The following CFAP91 variants were observed in gnomAD, a reference collection of about 807,000 sequenced individuals.
CFAP91 encodes cilia and flagella associated protein 91, also known as cilia- and flagella-associated protein 91.
Under a neutral mutation model 95.9 loss-of-function variants are expected in CFAP91, and 85 were observed. The ratio of observed to expected loss-of-function variants is 0.89; its 90% CI spans 0.74 to 1.06. The LOEUF (loss-of-function observed/expected upper bound fraction) is 1.06, where lower values mean the gene tolerates loss of function less well. Among genes scored for constraint, CFAP91 ranks in the 50% least tolerant of loss-of-function variants. The pLI, the probability that CFAP91 is intolerant of heterozygous loss-of-function variation, is 0.00. For synonymous variants in CFAP91, 335 were observed against 327.5 expected, an observed-to-expected ratio of 1.02 and a Z score of -0.25; for missense variants, 962 against 943.4, an observed-to-expected ratio of 1.02 and a Z score of -0.26.
At chr3:119,740,818 CATCA>C in intron 13 of CFAP91, 123 bp downstream of exon 13, 1 of 1,039,928 alleles carries the variant, frequency 9.6e-7, no homozygotes, top group Non-Finnish European at 1.4e-6. Context: ...CCCACAATCC[CATCA>C]CTCTGTCAGC....
chr3:119,752,652 A>G (rs2054347408), intron 17 of CFAP91, among the ~76,000 whole-genome samples: 1 of 152,236 alleles, frequency 6.6e-6, no homozygotes, highest in African/African-American at 2.4e-5. Flanking sequence ...TTAATAATTT[A>G]CACAATTTGC....
At chr3:119,754,594 A>C (rs75191042) in intron 17 of CFAP91, among the ~76,000 whole-genome samples, 2,349 of 152,320 alleles carry the variant, frequency 0.015, 40 homozygotes, top group African/African-American at 0.04. Context: ...ACAGGATGGG[A>C]TGATAGAACT....
chr3:119,743,150 T>G (rs1032306512), intron 13 of CFAP91, among the ~76,000 whole-genome samples: 7 of 151,530 alleles, frequency 4.6e-5, no homozygotes, highest in Admixed American at 4.6e-4. Context: ...TTTTTTTTTT[T>G]TCTGAGATGG....
rs2053387938 is a variant in CFAP91 at position 119,707,481 on chromosome 3, A to G, written c.279A>G (p.Ser93=). 6.3e-7 allele frequency: 1 copy of G among 1,599,076 alleles called. No homozygotes were observed. The highest frequency in any genetic ancestry group is 8.5e-7 in the Non-Finnish European group (1 of 1,169,644). The change falls in exon 3 of 18, where the codon TCA becomes TCG. Residue 93 remains serine, a synonymous_variant. Transcript: ENST00000273390. ...GATATTCTCTATATTGGAGCAAGTCAGATCCTGTCCCACCATTTATCAGTC... is the reference window on the plus strand; with the variant it reads ...GATATTCTCTATATTGGAGCAAGTCGGATCCTGTCCCACCATTTATCAGTC... ...YPRYSLYWSK[S]DPVPPFISRE...
chr3:119,720,349 A>G (rs2053659324), intron 6 of CFAP91, among the ~76,000 whole-genome samples: 1 of 151,014 alleles, frequency 6.6e-6, no homozygotes, highest in Admixed American at 6.6e-5. Flanking sequence ...GTGAGCCGAG[A>G]TGATGCCACT....
intron 14 of CFAP91, among the ~76,000 whole-genome samples, chr3:119,746,406 A>C (rs1255859731): frequency 1.3e-5 from 2 of 152,238 alleles, no homozygotes; most frequent in Non-Finnish European, 2.9e-5. Context: ...AAAAAGAAGC[A>C]GTCAAGGGCT....
In CFAP91 at chr3:119,733,748, G is replaced by A. The variant is rs187873422; in HGVS notation, c.1344+242G>A. Among the ~76,000 whole-genome samples the A allele has an allele frequency of 1.0e-3, 154 of 152,134 alleles. No homozygotes were observed. The Middle Eastern group carries it at 0.014, about 14-fold the overall frequency. ...AGAGGTCATATTACTTTCTGAAAGC[G>A]TTTTCCACTTGGATCTCTATATAAA... is the stretch of plus-strand genomic sequence containing the variant. On this transcript the variant is annotated intron_variant, in intron 10 of 17. Transcript: ENST00000273390.
chr3:119,708,725 C>T, intron 4 of CFAP91, 51 bp downstream of exon 4: 1 of 1,062,076 alleles, frequency 9.4e-7, no homozygotes, highest in Non-Finnish European at 1.4e-6. Context: ...ATTAGAGAAC[C>T]TCTTTATGAT....
In CFAP91 at chr3:119,752,213, A is replaced by T. The variant is rs375052353; in HGVS notation, c.*1+1115A>T. The T allele has an allele frequency of 4.6e-5, 7 of 152,272 alleles. No individual in the cohort carries two copies. In the East Asian group the frequency reaches 9.6e-4, roughly 21 times the overall value. 9.4% of individuals were successfully genotyped at this position (152,272 alleles called of 1,614,324 possible). ...GGGGAGAGTACTGGGGCTAGGGAGA[A>T]ATTTTAGTTTGGCATTCAGAAGTTT... On this transcript the variant is annotated intron_variant, in intron 17 of 17. Coordinates refer to ENST00000273390, the MANE Select transcript of CFAP91 (RefSeq NM_033364.4).
At position 119,715,718 on chromosome 3, in the gene CFAP91, C is replaced by G; in HGVS notation, c.657C>G (p.Leu219=). 1 of 1,614,104 alleles carries G rather than the reference C, an allele frequency of 6.2e-7. No individual in the cohort carries two copies. Among genetic ancestry groups the G allele is most frequent in the East Asian group, 2.2e-5 (1 of 44,882 alleles). ...TATGTCAGGACTCAATCCCTGAGCT[C>G]TTGACCCTGGCTACGCTTACTTGGG... ...YVVCQDSIPE[L]LTLATLTWGR... Residue 219 remains leucine (L), a synonymous_variant, in exon 6 of 18, where the codon CTC becomes CTG. Transcript: ENST00000273390.
chr3:119,744,173 G>A lies in CFAP91; in HGVS notation c.1879G>A (p.Glu627Lys), dbSNP rs2054178793. The A allele has an allele frequency of 6.2e-7, 1 of 1,613,150 alleles. No individual in the cohort carries two copies. The highest frequency in any genetic ancestry group is 1.7e-5 in the Admixed American group (1 of 59,962). ...CCAGGTGGAAAAACAGCGCCTGCGG[G>A]AGGAGGACGAGATATTTAAGGAGGC... ...RRQVEKQRLR[E>K]EDEIFKEVVK... Residue 627 changes from glutamate (E) to lysine (K), a missense_variant, in exon 14 of 18, where the codon GAG becomes AAG. Transcript: ENST00000273390.
intron 13 of CFAP91, among the ~76,000 whole-genome samples, chr3:119,743,326 C>T (rs1401240459): frequency 6.6e-6 from 1 of 151,994 alleles, no homozygotes; most frequent in East Asian, 1.9e-4. Context: ...CCATATTGGC[C>T]AGGCTGGTCT....
Position 119,736,565 on chromosome 3 carries a change from C to T in CFAP91, c.1345-801C>T, listed in dbSNP as rs535034328. Among the ~76,000 whole-genome samples, 49 of 152,210 alleles carry T rather than the reference C, an allele frequency of 3.2e-4. 1 individual carries two copies. The highest frequency in any genetic ancestry group is 2.3e-3 in the South Asian group (11 of 4,818). On this transcript the variant is annotated intron_variant, in intron 10 of 17. Coordinates refer to ENST00000273390, the MANE Select transcript of CFAP91 (RefSeq NM_033364.4). ...TGCTGGGATCGCAGGCGTGAGCCAC[C>T]GCGCCCGGCCTATTCTACTTTCTTT...
chr3:119,716,527 G>A (rs1229721177), intron 6 of CFAP91, among the ~76,000 whole-genome samples: 1 of 152,146 alleles, frequency 6.6e-6, no homozygotes, highest in Non-Finnish European at 1.5e-5. Flanking sequence ...TTCATATCTG[G>A]GCTCTAGTTT....
chr3:119,730,605 TG>T (rs1418200001), intron 8 of CFAP91, among the ~76,000 whole-genome samples: 1 of 13,450 alleles, frequency 7.4e-5, no homozygotes, highest in Non-Finnish European at 1.7e-4. Context: ...TGAGATAGTG[TG>T]TGTGTGTGTG....
intron 17 of CFAP91, among the ~76,000 whole-genome samples, chr3:119,760,634 T>C (rs768690990): frequency 1.3e-5 from 2 of 151,664 alleles, no homozygotes; most frequent in Non-Finnish European, 3.0e-5. Flanking sequence ...TGACTGATAA[T>C]AAGCCTAACA....
chr3:119,759,429 C>A (rs539376247), intron 17 of CFAP91, among the ~76,000 whole-genome samples: 1 of 152,046 alleles, frequency 6.6e-6, no homozygotes, highest in East Asian at 1.9e-4. Flanking sequence ...ATTTCCTGAC[C>A]TGTGTGATAT....
At position 119,744,104 on chromosome 3, in the gene CFAP91, G is replaced by C; in HGVS notation, c.1810G>C (p.Glu604Gln). 6.2e-7 allele frequency: 1 copy of C among 1,614,210 alleles called. No homozygotes were observed. The highest frequency in any genetic ancestry group is 1.1e-5 in the South Asian group (1 of 91,080). Reference sequence around the variant, plus strand: ...GATCCATGCCTTTGTCATGCTGGCTGAGCGCCAGCGGCGGGTACGAGAGGC... The same window carrying C: ...GATCCATGCCTTTGTCATGCTGGCTCAGCGCCAGCGGCGGGTACGAGAGGC... ...RRIHAFVMLA[E>Q]RQRRVREAEE... Residue 604 changes from glutamate to glutamine, a missense_variant, in exon 14 of 18, where the codon GAG becomes CAG. Glu to Gln is a conservative substitution (Grantham distance 29). Transcript: ENST00000273390.
chr3:119,736,998 G>A (rs754866992), intron 10 of CFAP91, among the ~76,000 whole-genome samples: 14 of 151,974 alleles, frequency 9.2e-5, no homozygotes, highest in Non-Finnish European at 1.5e-4. Flanking sequence ...CACCATGCCC[G>A]GCTAATTTTG....
Sources: gnomAD v4.1 joint callset for allele counts (sites outside exome capture counted in the v4.1 genomes callset) on GRCh38, gnomAD v4.1.1 for gene constraint, MANE v1.5 for transcripts, NCBI Gene and HGNC (gene_info 2026-07-23, HGNC 2026-07-21) for gene names.